Variants in DENND5A observed in about 807,000 individuals in gnomAD.
DENND5A encodes DENN domain-containing protein 5A.
In DENND5A, 64 loss-of-function variants were observed where a neutral mutation model predicts 140.3. That is an observed-to-expected ratio of 0.46 (90% CI 0.37 to 0.56). DENND5A has a LOEUF of 0.56. DENND5A is among the 20% of genes least tolerant of loss of function. The probability of loss-of-function intolerance (pLI) is 0.00; values close to 1 mark genes in which losing one functional copy is unlikely to be tolerated. For missense variants in DENND5A, 1,292 were observed against 1,593.8 expected (o/e 0.81, Z 3.22); for synonymous variants, 605 against 607.7 (o/e 1.00, Z 0.07).
chr11:9,253,626 G>T (rs1220929159), intron 1 of DENND5A, among the ~76,000 whole-genome samples: 1 of 152,112 alleles, frequency 6.6e-6, no homozygotes, highest in Non-Finnish European at 1.5e-5. Flanking sequence ...TGGGCAGCCA[G>T]GTGCGGTGGC....
At chr11:9,176,582 T>A (rs1403073041) in intron 8 of DENND5A, among the ~76,000 whole-genome samples, 4 of 152,134 alleles carry the variant, frequency 2.6e-5, no homozygotes, top group African/African-American at 4.8e-5. Flanking sequence ...AAATACAATC[T>A]CTGTCCTTAA....
rs538386732 is a variant in DENND5A at position 9,152,412 on chromosome 11, G to A, written c.2467C>T (p.His823Tyr). The change falls in exon 13 of 23, where the codon CAT becomes TAT. Residue 823 changes from histidine (H) to tyrosine (Y), a missense_variant. This residue lies in a region of DENND5A where 498 missense variants were observed against 689.7 expected (regional missense o/e 0.72). Coordinates refer to ENST00000328194, the MANE Select transcript of DENND5A (RefSeq NM_015213.4). ...GKSALWSHLLHYQDNRQRKLT... is the reference protein window; with the variant it reads ...GKSALWSHLLYYQDNRQRKLT... ...TTTCTCTGCCGGTTGTCCTGATAAT[G>A]TAACAGGTGGGACCATAAGGCTGAT... 1.2e-6 allele frequency: 2 copies of A among 1,613,812 alleles called. No individual in the cohort carries two copies. The highest frequency in any genetic ancestry group is 1.1e-5 in the South Asian group (1 of 91,076).
At position 9,249,876 on chromosome 11, in the gene DENND5A, A is replaced by G. The variant is rs149330360; in HGVS notation, c.109+15085T>C. On this transcript the variant is annotated intron_variant, in intron 1 of 22. Coordinates refer to ENST00000328194, the MANE Select transcript of DENND5A (RefSeq NM_015213.4). ...CATTTTTAAATTTTTTTGTAGAGACAGTGTTGCACTACGTTGCCCGGGCTA... is the reference window on the plus strand; with the variant it reads ...CATTTTTAAATTTTTTTGTAGAGACGGTGTTGCACTACGTTGCCCGGGCTA... Among the ~76,000 whole-genome samples the G allele has an allele frequency of 5.5e-3, 832 of 151,960 alleles. 10 individuals carry two copies. Among genetic ancestry groups the G allele is most frequent in the African/African-American group, 0.019 (781 of 41,456 alleles).
intron 1 of DENND5A, chr11:9,242,874 G>C (rs1342241487): frequency 1.4e-4 from 22 of 151,844 alleles, no homozygotes; most frequent in Admixed American, 1.4e-3. Flanking sequence ...TGGATAACGA[G>C]GTCAGGAGTT....
Position 9,142,745 on chromosome 11 carries a change from T to C in DENND5A, c.3488A>G (p.Asn1163Ser). The C allele has an allele frequency of 6.2e-7, 1 of 1,614,136 alleles. No homozygotes were observed. The highest frequency in any genetic ancestry group is 1.3e-5 in the African/African-American group (1 of 75,034). ...HGFKSPRLFK[N>S]VFIWDFLEKA... ...ACCCAGGAAATCCCAAATGAAGACA[T>C]TTTTGAAGAGCCGGGGCGATTTAAA... Residue 1163 changes from asparagine (N) to serine (S), a missense_variant, in exon 21 of 23, where the codon AAT becomes AGT. Coordinates refer to ENST00000328194, the MANE Select transcript of DENND5A (RefSeq NM_015213.4).
At chr11:9,198,646 GA>G (rs1849416803) in intron 4 of DENND5A, among the ~76,000 whole-genome samples, 1 of 151,924 alleles carries the variant, frequency 6.6e-6, no homozygotes, top group Admixed American at 6.6e-5. Context: ...AAGTAACTAG[GA>G]AATCTAGTCA....
At chr11:9,233,175 C>A (rs1043946823) in intron 1 of DENND5A, among the ~76,000 whole-genome samples, 1 of 151,978 alleles carries the variant, frequency 6.6e-6, no homozygotes, top group African/African-American at 2.4e-5. Context: ...CCGAGGCAGG[C>A]GGATCACGAG....
At chr11:9,171,086 G>A in intron 8 of DENND5A, 2 of 308,622 alleles carry the variant, frequency 6.5e-6, no homozygotes, top group South Asian at 8.4e-5. Context: ...CACAGGGAGG[G>A]GAGTTCTAGG....
In DENND5A at chr11:9,177,977, A is replaced by C; in HGVS notation, c.1906+155T>G. On this transcript the variant is annotated intron_variant, in intron 8 of 22. Coordinates refer to ENST00000328194, the MANE Select transcript of DENND5A (RefSeq NM_015213.4). ...AGTGTTAAAGGATGAGAAGAAGATA[A>C]CCAGGCAAAAAGAAAACAAGGAAGA... is the stretch of plus-strand genomic sequence containing the variant. 3 of 672,820 alleles carry C rather than the reference A, an allele frequency of 4.5e-6. No homozygotes were observed. In the South Asian group the frequency reaches 5.4e-5, roughly 12 times the overall value. 41.7% of individuals were successfully genotyped at this position (672,820 alleles called of 1,614,324 possible).
Position 9,161,929 on chromosome 11 carries a change from T to TTA in DENND5A, c.2284-1066_2284-1065dup, listed in dbSNP as rs376177231. Among the ~76,000 whole-genome samples, 666 of 148,576 alleles carry TTA rather than the reference T, an allele frequency of 4.5e-3. 3 individuals are homozygous for TTA. The highest frequency in any genetic ancestry group is 0.012 in the African/African-American group (507 of 40,648). On this transcript the variant is annotated intron_variant, in intron 11 of 22. Transcript: ENST00000328194. The stretch of plus-strand genomic sequence containing the variant: ...ATACGTAATATAGCACTCTATTAAA[T>TTA]TATATATATATATATATTGTCCAAA...
intron 12 of DENND5A, among the ~76,000 whole-genome samples, chr11:9,153,337 T>G (rs1478961718): frequency 1.7e-5 from 1 of 58,970 alleles, no homozygotes; most frequent in Non-Finnish European, 2.9e-5. Flanking sequence ...AGAATGAGGC[T>G]CCCTCTCAAA....
chr11:9,265,078 G>A lies in DENND5A; in HGVS notation c.-9C>T. On this transcript the variant is annotated 5_prime_UTR_variant, in exon 1 of 23. Transcript: ENST00000328194. The surrounding 1 kb of genome is among the most constrained non-coding windows in gnomAD (Gnocchi z 4.7). Reference sequence around the variant, plus strand: ...CCGCCGCCGCCACTCATGGCGCCGGGGCCGAGACCGGCCGGGCAGTGCGGA... The same window carrying A: ...CCGCCGCCGCCACTCATGGCGCCGGAGCCGAGACCGGCCGGGCAGTGCGGA... 1 of 1,504,314 alleles carries A rather than the reference G, an allele frequency of 6.6e-7. No individual in the cohort carries two copies. The highest frequency in any genetic ancestry group is 1.2e-5 in the South Asian group (1 of 80,698). 93.2% of individuals were successfully genotyped at this position (1,504,314 alleles called of 1,614,324 possible).
intron 5 of DENND5A, among the ~76,000 whole-genome samples, chr11:9,192,017 ATT>A (rs560041167): frequency 6.6e-6 from 1 of 152,036 alleles, no homozygotes; most frequent in Non-Finnish European, 1.5e-5. Flanking sequence ...CATCATTTAG[ATT>A]TTTTTTCCTT....
chr11:9,141,865 C>T, intron 22 of DENND5A, 75 bp downstream of exon 22: 1 of 1,418,248 alleles, frequency 7.1e-7, no homozygotes, highest in East Asian at 2.4e-5. Context: ...ATTCCTCACC[C>T]CTGCACTGCA....
intron 1 of DENND5A, among the ~76,000 whole-genome samples, chr11:9,243,067 G>A (rs550527713): frequency 5.0e-4 from 59 of 117,774 alleles, no homozygotes; most frequent in South Asian, 1.3e-3. Flanking sequence ...CAGCCTGGGC[G>A]ACACAGCGAG....
chr11:9,168,997 G>C (rs997085469), intron 10 of DENND5A, among the ~76,000 whole-genome samples: 2 of 152,042 alleles, frequency 1.3e-5, no homozygotes, highest in African/African-American at 4.8e-5. Context: ...AAGCAATGAA[G>C]ATTCAGGAGG....
chr11:9,182,869 C>A (rs10769999), intron 5 of DENND5A, among the ~76,000 whole-genome samples: 68,058 of 151,842 alleles, frequency 0.45, 16,485 homozygotes, highest in African/African-American at 0.62. Flanking sequence ...ACTCAACAAA[C>A]ATTTGTTGTA....
chr11:9,220,285 T>C (rs1032527197), intron 1 of DENND5A, among the ~76,000 whole-genome samples: 1 of 152,190 alleles, frequency 6.6e-6, no homozygotes, highest in South Asian at 2.1e-4. Context: ...CAGTGGCTCA[T>C]GCCTGTAATC....
chr11:9,209,037 T>C (rs1304041443), intron 1 of DENND5A, among the ~76,000 whole-genome samples: 1 of 152,228 alleles, frequency 6.6e-6, no homozygotes, highest in African/African-American at 2.4e-5. Flanking sequence ...TTAAACTGCA[T>C]TCATGTCTGA....
Sources: gnomAD v4.1 joint callset for allele counts (sites outside exome capture counted in the v4.1 genomes callset) on GRCh38, gnomAD v4.1.1 for gene constraint, gnomAD v4.1.1 regional missense constraint, Gnocchi (gnomAD v3.1) non-coding constraint, MANE v1.5 for transcripts, NCBI Gene and HGNC (gene_info 2026-07-23, HGNC 2026-07-21) for gene names.